The following FBN2 variants were observed in gnomAD, a reference collection of about 807,000 sequenced individuals.
The protein encoded by FBN2 is fibrillin-2.
FBN2 carries 105 observed loss-of-function variants against 355.6 expected under a neutral mutation model. The ratio of observed to expected loss-of-function variants is 0.30; its 90% CI spans 0.25 to 0.35. The LOEUF (loss-of-function observed/expected upper bound fraction) is 0.35. Ranked by LOEUF, FBN2 falls within the 10% of genes least tolerant of loss-of-function variation. The pLI, the probability that FBN2 is intolerant of heterozygous loss-of-function variation, is 1.00. For missense variants in FBN2, 3,280 were observed against 3,758.7 expected (o/e 0.87, Z 3.33); for synonymous variants, 1,350 against 1,301.2 (o/e 1.04, Z -0.81).
chr5:128,267,456 T>C (rs1028468441), intron 62 of FBN2, among the ~76,000 whole-genome samples: 10 of 152,206 alleles, frequency 6.6e-5, no homozygotes, highest in Admixed American at 3.3e-4. Context: ...AAAGTTTTCC[T>C]ATTTCTCCAC....
Position 128,363,677 on chromosome 5 carries a change from C to T in FBN2, c.2428+923G>A, listed in dbSNP as rs530049796. On this transcript the variant is annotated intron_variant, in intron 18 of 64. Transcript: ENST00000262464. ...GTTGTGAGTCAACATGACCGGTGTC[C>T]ATGTGAAAAGGGGAAATCTGGATTT... Among the ~76,000 whole-genome samples, 10 of 152,094 alleles carry T rather than the reference C, an allele frequency of 6.6e-5. No homozygotes were observed. The East Asian group carries it at 1.7e-3, about 26-fold the overall frequency.
At chr5:128,502,057 G>C (rs1755832045) in intron 5 of FBN2, among the ~76,000 whole-genome samples, 1 of 151,862 alleles carries the variant, frequency 6.6e-6, no homozygotes, top group Non-Finnish European at 1.5e-5. Context: ...AACCCTTTGG[G>C]TATCCAGGAA....
chr5:128,393,427 C>G, intron 9 of FBN2, 59 bp from the exon 10 acceptor site: 1 of 1,425,968 alleles, frequency 7.0e-7, no homozygotes, highest in South Asian at 1.2e-5. Context: ...ATAACAAAAG[C>G]CATTGGTACA....
chr5:128,448,598 G>A (rs1406157030), intron 6 of FBN2, among the ~76,000 whole-genome samples: 2 of 152,072 alleles, frequency 1.3e-5, no homozygotes, highest in Admixed American at 1.3e-4. Context: ...TGAGCCATGA[G>A]CCACCGTGCC....
chr5:128,341,317 C>T (rs1751014349), intron 25 of FBN2, among the ~76,000 whole-genome samples: 1 of 152,222 alleles, frequency 6.6e-6, no homozygotes, highest in African/African-American at 2.4e-5. Flanking sequence ...GGAAGTTACA[C>T]AATCCAGCCC....
chr5:128,523,085 A>C (rs1756478183), intron 4 of FBN2, among the ~76,000 whole-genome samples: 1 of 152,198 alleles, frequency 6.6e-6, no homozygotes, highest in Admixed American at 6.5e-5. Context: ...GTGCCAGGTA[A>C]CAGGTCAGGT....
chr5:128,439,394 T>C (rs1044536835), intron 7 of FBN2, among the ~76,000 whole-genome samples: 2 of 152,310 alleles, frequency 1.3e-5, no homozygotes, highest in East Asian at 1.9e-4. Flanking sequence ...CCCTCACCAA[T>C]ACAGTTTGCC....
intron 62 of FBN2, among the ~76,000 whole-genome samples, chr5:128,269,017 T>C (rs532208386): frequency 6.6e-6 from 1 of 152,276 alleles, no homozygotes; most frequent in South Asian, 2.1e-4. Context: ...TTGGAAATTC[T>C]GGCCAGGGCA....
intron 36 of FBN2, among the ~76,000 whole-genome samples, chr5:128,317,688 T>C (rs1173602301): frequency 6.6e-6 from 1 of 152,192 alleles, no homozygotes; most frequent in East Asian, 1.9e-4. Flanking sequence ...TACGGCCTCC[T>C]CCTCCTCCCT....
intron 6 of FBN2, among the ~76,000 whole-genome samples, chr5:128,457,462 G>A (rs1005683070): frequency 6.6e-6 from 1 of 152,142 alleles, no homozygotes; most frequent in Non-Finnish European, 1.5e-5. Context: ...ACACGATTAA[G>A]ATACTCCATG....
chr5:128,270,005 C>A (rs1461591376), intron 62 of FBN2, among the ~76,000 whole-genome samples: 5 of 152,110 alleles, frequency 3.3e-5, no homozygotes, highest in Admixed American at 6.6e-5. Context: ...ACATATAGAC[C>A]AATGGCACAG....
chr5:128,335,399 A>G (rs1750808916), intron 29 of FBN2, 56 bp downstream of exon 29: 17 of 1,613,276 alleles, frequency 1.1e-5, no homozygotes, highest in Non-Finnish European at 1.4e-5. Flanking sequence ...CTGGAGCCAT[A>G]TTTTCAAGAA....
At chr5:128,315,611 C>A (rs1279628921) in intron 36 of FBN2, among the ~76,000 whole-genome samples, 11 of 152,210 alleles carry the variant, frequency 7.2e-5, no homozygotes, top group Admixed American at 2.0e-4. Flanking sequence ...AACAATCAAT[C>A]TAATGACTGT....
rs562803565 is a variant in FBN2, at chr5:128,357,514, G to C, written c.2555-119C>G. On this transcript the variant is annotated intron_variant, in intron 19 of 64. Transcript: ENST00000262464. ...AACTTGGCTCTGGTAATTTTAATATGGATCTATGAAGCATAAAGTGAATGG... is the reference window on the plus strand; with the variant it reads ...AACTTGGCTCTGGTAATTTTAATATCGATCTATGAAGCATAAAGTGAATGG... 10 of 1,189,228 alleles carry C rather than the reference G, an allele frequency of 8.4e-6. No individual in the cohort carries two copies. In the East Asian group the frequency reaches 9.6e-5, roughly 11 times the overall value. 73.7% of individuals were successfully genotyped at this position (1,189,228 alleles called of 1,614,324 possible).
chr5:128,309,442 A>G, intron 40 of FBN2, 43 bp from the exon 41 acceptor site: 1 of 1,577,128 alleles, frequency 6.3e-7, no homozygotes, highest in East Asian at 2.2e-5. Flanking sequence ...TGTATCCACG[A>G]GTAGTTTATA....
At chr5:128,513,414 G>A (rs1230156793) in intron 5 of FBN2, among the ~76,000 whole-genome samples, 1 of 152,054 alleles carries the variant, frequency 6.6e-6, no homozygotes, top group African/African-American at 2.4e-5. Context: ...TGTTGAAACA[G>A]GAAAACAAGA....
intron 7 of FBN2, among the ~76,000 whole-genome samples, chr5:128,434,410 A>T (rs1053750941): frequency 1.8e-5 from 2 of 108,414 alleles, no homozygotes; most frequent in Admixed American, 1.7e-4. Context: ...ATATATATAT[A>T]TATATATATA....
Position 128,259,548 on chromosome 5 carries a change from C to T in FBN2, c.8646G>A (p.Glu2882=). The change falls in exon 65 of 65, where the codon GAG becomes GAA. Residue 2882 remains glutamate, a synonymous_variant. Coordinates refer to ENST00000262464, the MANE Select transcript of FBN2 (RefSeq NM_001999.4). The part of the protein sequence containing the change: ...ITSIPLYKKK[E]LKKLEESNED... ...CATTGCTCTCTTCCAGTTTCTTAAG[C>T]TCCTTCTTCTTGTAGAGAGGGATGC... 5 of 1,614,074 alleles carry T rather than the reference C, an allele frequency of 3.1e-6. No homozygotes were observed. The highest frequency in any genetic ancestry group is 4.2e-6 in the Non-Finnish European group (5 of 1,180,016).
chr5:128,527,539 CT>C (rs35320452), intron 4 of FBN2, among the ~76,000 whole-genome samples: 5 of 150,402 alleles, frequency 3.3e-5, no homozygotes, highest in East Asian at 2.0e-4. Context: ...AAAACTTGCT[CT>C]TTTTTTTTCA....
Sources: allele counts gnomAD v4.1 joint callset (sites outside exome capture counted in the v4.1 genomes callset), GRCh38; gene constraint gnomAD v4.1.1; transcripts MANE v1.5; gene names NCBI Gene and HGNC (gene_info 2026-07-23, HGNC 2026-07-21).